KCNH1: variants seen among roughly 807,000 people sequenced by gnomAD.
The protein encoded by KCNH1 is voltage-gated delayed rectifier potassium channel KCNH1.
In KCNH1, 27 loss-of-function variants were observed where a neutral mutation model predicts 69.2. The observed-to-expected ratio is 0.39, with a 90% CI of 0.29 to 0.54. KCNH1 has a LOEUF of 0.54. Ranked by LOEUF, KCNH1 falls within the 20% of genes least tolerant of loss-of-function variation. The probability of loss-of-function intolerance (pLI) is 0.68; values close to 1 mark genes in which losing one functional copy is unlikely to be tolerated. For synonymous variants in KCNH1, 456 were observed against 487.7 expected, an observed-to-expected ratio of 0.93 and a Z score of 0.86; for missense variants, 798 against 1,261.6, an observed-to-expected ratio of 0.63 and a Z score of 5.57.
At chr1:210,766,704 C>T (rs1436660897) in intron 10 of KCNH1, among the ~76,000 whole-genome samples, 1 of 152,160 alleles carries the variant, frequency 6.6e-6, no homozygotes, top group East Asian at 1.9e-4. Context: ...GGGTAAAGAC[C>T]ATTAAGTGAC....
chr1:210,698,846 C>CT (rs1288342231), intron 10 of KCNH1, among the ~76,000 whole-genome samples: 1 of 152,226 alleles, frequency 6.6e-6, no homozygotes, highest in Non-Finnish European at 1.5e-5. Context: ...AGCCTGAGGG[C>CT]TGCAGCGCCT....
At chr1:211,076,483 C>A (rs909075325) in intron 5 of KCNH1, among the ~76,000 whole-genome samples, 1 of 152,188 alleles carries the variant, frequency 6.6e-6, no homozygotes, top group African/African-American at 2.4e-5. Context: ...GAATGGACCT[C>A]CAGCAAACTC....
At chr1:211,128,902 G>A (rs758189681) in intron 1 of KCNH1, among the ~76,000 whole-genome samples, 18 of 152,074 alleles carry the variant, frequency 1.2e-4, no homozygotes, top group Non-Finnish European at 2.1e-4. Context: ...GAGAAGAGAA[G>A]AAGAGAAAAA....
intron 6 of KCNH1, among the ~76,000 whole-genome samples, chr1:211,001,529 G>A (rs1689178672): frequency 6.6e-6 from 1 of 152,196 alleles, no homozygotes. Flanking sequence ...TGCTGGAGAG[G>A]ATGTGGAGAT....
intron 7 of KCNH1, among the ~76,000 whole-genome samples, chr1:210,914,490 G>A (rs1687296142): frequency 6.6e-6 from 1 of 152,096 alleles, no homozygotes; most frequent in African/African-American, 2.4e-5. Context: ...ACAAGCTGAA[G>A]TGAGGCCACA....
In KCNH1 at chr1:210,683,483, T is replaced by G. The variant is rs140939826; in HGVS notation, c.2768A>C (p.Gln923Pro). Residue 923 changes from glutamine to proline, a missense_variant, in exon 11 of 11, where the codon CAG (glutamine) becomes CCG (proline). Gln to Pro is a moderately conservative substitution (Grantham distance 76). This residue lies in a region of KCNH1 where 331 missense variants were observed against 363.2 expected (regional missense o/e 0.91). Transcript: ENST00000271751. The surrounding 1 kb of genome is among the most constrained non-coding windows in gnomAD (Gnocchi z 5.7). ...SFYPIPEQTL[Q>P]ATVLEVRHEL... ...GTGCCTCACCTCCAGGACTGTGGCC[T>G]GCAGCGTCTGCTCAGGGATGGGGTA... The G allele has an allele frequency of 1.9e-4, 301 of 1,614,186 alleles. No individual in the cohort carries two copies. Among genetic ancestry groups the G allele is most frequent in the African/African-American group, 1.6e-3 (122 of 75,050 alleles).
At position 210,869,840 on chromosome 1, in the gene KCNH1, A is replaced by G. The variant is rs1686200371; in HGVS notation, c.1462+49800T>C. The stretch of plus-strand genomic sequence containing the variant: ...TACCAGCCCTGTATTGCCTCTGGAA[A>G]TATTCAACTTACAGATACCTGGTAG... On this transcript the variant is annotated intron_variant, in intron 7 of 10. Transcript: ENST00000271751. Among the ~76,000 whole-genome samples the G allele has an allele frequency of 6.6e-5, 10 of 152,198 alleles. No individual in the cohort carries two copies. In the South Asian group the frequency reaches 2.1e-3, roughly 32 times the overall value.
chr1:210,783,912 A>G (rs1296795351), intron 9 of KCNH1, among the ~76,000 whole-genome samples: 1 of 152,190 alleles, frequency 6.6e-6, no homozygotes, highest in Admixed American at 6.5e-5. Flanking sequence ...GGTATATACA[A>G]AGGTGCTTTT....
At chr1:210,993,691 C>T (rs1337079028) in intron 6 of KCNH1, among the ~76,000 whole-genome samples, 3 of 152,158 alleles carry the variant, frequency 2.0e-5, no homozygotes, top group South Asian at 4.1e-4. Flanking sequence ...GTGGCCATGA[C>T]GTGTTGTTGG....
At chr1:210,775,105 G>GC (rs1683835264) in intron 10 of KCNH1, among the ~76,000 whole-genome samples, 1 of 151,958 alleles carries the variant, frequency 6.6e-6, no homozygotes, top group African/African-American at 2.4e-5. Flanking sequence ...CCACCTCCCT[G>GC]CCCCCTCCAA....
chr1:210,994,313 T>C (rs1312386936), intron 6 of KCNH1, among the ~76,000 whole-genome samples: 1 of 152,242 alleles, frequency 6.6e-6, no homozygotes, highest in Non-Finnish European at 1.5e-5. Flanking sequence ...TCTGAATGCC[T>C]ATTGTGTGCC....
At chr1:210,888,554 A>C (rs1245679531) in intron 7 of KCNH1, among the ~76,000 whole-genome samples, 1 of 152,218 alleles carries the variant, frequency 6.6e-6, no homozygotes, top group African/African-American at 2.4e-5. Flanking sequence ...GAAATAACTA[A>C]GATGCGAGCA....
At chr1:211,027,728 G>T (rs960317479) in intron 5 of KCNH1, among the ~76,000 whole-genome samples, 1 of 151,972 alleles carries the variant, frequency 6.6e-6, no homozygotes, top group Non-Finnish European at 1.5e-5. Flanking sequence ...AATAGAGACA[G>T]AAAGGCAAAT....
chr1:210,720,992 C>T (rs192019141), intron 10 of KCNH1, among the ~76,000 whole-genome samples: 112 of 152,256 alleles, frequency 7.4e-4, no homozygotes, highest in African/African-American at 2.6e-3. Flanking sequence ...GTATTACTTC[C>T]TCTGGGGCTT....
At chr1:210,932,526 T>C (rs1161107705) in intron 6 of KCNH1, among the ~76,000 whole-genome samples, 1 of 130,900 alleles carries the variant, frequency 7.6e-6, no homozygotes, top group Non-Finnish European at 1.7e-5. Flanking sequence ...TAACCTTTAA[T>C]GTAAATGTAT....
At chr1:210,794,430 A>G (rs1410033486) in intron 9 of KCNH1, among the ~76,000 whole-genome samples, 1 of 152,220 alleles carries the variant, frequency 6.6e-6, no homozygotes, top group Non-Finnish European at 1.5e-5. Context: ...TCCTGTCCAC[A>G]TTGCTAACTA....
chr1:210,856,486 A>T (rs552155818), intron 7 of KCNH1, among the ~76,000 whole-genome samples: 1 of 152,144 alleles, frequency 6.6e-6, no homozygotes, highest in South Asian at 2.1e-4. Context: ...GCAAGATGAA[A>T]CATTAAAGCT....
chr1:211,026,224 A>G (rs553358130), intron 5 of KCNH1, among the ~76,000 whole-genome samples: 75 of 152,304 alleles, frequency 4.9e-4, no homozygotes, highest in Middle Eastern at 3.4e-3. Context: ...TATATCTAAA[A>G]CAAATATAAG....
intron 6 of KCNH1, among the ~76,000 whole-genome samples, chr1:210,988,997 T>C (rs947327553): frequency 3.9e-5 from 6 of 152,250 alleles, no homozygotes; most frequent in Admixed American, 3.9e-4. Context: ...ATGTTCAATG[T>C]AGCTCCTTAG....
Sources: gnomAD v4.1 joint callset for allele counts (sites outside exome capture counted in the v4.1 genomes callset) on GRCh38, gnomAD v4.1.1 for gene constraint, gnomAD v4.1.1 regional missense constraint, Gnocchi (gnomAD v3.1) non-coding constraint, MANE v1.5 for transcripts, NCBI Gene and HGNC (gene_info 2026-07-23, HGNC 2026-07-21) for gene names.